APAF1: variants seen among roughly 807,000 people sequenced by gnomAD.
APAF1 encodes apoptotic peptidase activating factor 1, also known as apoptotic protease-activating factor 1.
In APAF1, 91 loss-of-function variants were observed where a neutral mutation model predicts 152.4. The ratio of observed to expected loss-of-function variants is 0.60; its 90% confidence interval spans 0.50 to 0.71. The LOEUF (loss-of-function observed/expected upper bound fraction) is 0.71, where lower values mean the gene tolerates loss of function less well. Among genes scored for constraint, APAF1 ranks in the 30% least tolerant of loss-of-function variants. APAF1 has a pLI of 0.00. For missense variants in APAF1, 1,283 were observed against 1,472.0 expected, an observed-to-expected ratio of 0.87 and a Z score of 2.10; for synonymous variants, 484 against 494.1, an observed-to-expected ratio of 0.98 and a Z score of 0.27.
Position 98,727,186 on chromosome 12 carries a change from C to T in APAF1, c.3470C>T (p.Ser1157Leu). The T allele has an allele frequency of 1.2e-6, 2 of 1,614,078 alleles. No homozygotes were observed. The highest frequency in any genetic ancestry group is 1.7e-6 in the Non-Finnish European group (2 of 1,180,030). The change falls in exon 26 of 27, where the codon TCA (serine) becomes TTA (leucine). Residue 1157 changes from serine to leucine, a missense_variant. Transcript: ENST00000551964. The part of the protein sequence containing the change: ...DNGEIRIWNV[S>L]NGELLHLCAP... ...ATGTTTATGTAGATATGGAATGTCT[C>T]AAACGGTGAGCTTCTTCATTTGTGT...
intron 23 of APAF1, 151 bp from the exon 24 acceptor site, chr12:98,723,488 A>G (rs1231917001): frequency 5.2e-6 from 5 of 953,380 alleles, no homozygotes; most frequent in African/African-American, 3.3e-5. Flanking sequence ...ATGAGCATTT[A>G]TACTGTTAGT....
chr12:98,653,299 A>C (rs1452763102), intron 4 of APAF1, among the ~76,000 whole-genome samples: 1 of 152,056 alleles, frequency 6.6e-6, no homozygotes, highest in Non-Finnish European at 1.5e-5. Context: ...ATTTGATTAA[A>C]ATTGTGGTTC....
At chr12:98,681,792 A>T (rs1446782157) in intron 14 of APAF1, among the ~76,000 whole-genome samples, 1 of 152,218 alleles carries the variant, frequency 6.6e-6, no homozygotes, top group Non-Finnish European at 1.5e-5. Flanking sequence ...AAAGGAAATA[A>T]TAATGAGTTT....
chr12:98,649,352 G>T, intron 3 of APAF1, 135 bp from the exon 4 acceptor site: 1 of 1,312,066 alleles, frequency 7.6e-7, no homozygotes. Context: ...AAGTTAATAT[G>T]CTAGCCACAT....
At chr12:98,680,737 C>T (rs1018616620) in intron 14 of APAF1, among the ~76,000 whole-genome samples, 1 of 151,922 alleles carries the variant, frequency 6.6e-6, no homozygotes, top group Non-Finnish European at 1.5e-5. Flanking sequence ...TATTTTTAAA[C>T]ACCAGCAAAA....
intron 14 of APAF1, among the ~76,000 whole-genome samples, chr12:98,682,295 T>C (rs1275612750): frequency 6.6e-6 from 1 of 151,026 alleles, no homozygotes; most frequent in Non-Finnish European, 1.5e-5. Flanking sequence ...CCTCGTGATC[T>C]GCCCGCCTCG....
rs185831216 is a variant in APAF1, at chr12:98,724,639, A to G, written c.3331-776A>G. Among the ~76,000 whole-genome samples, 15 of 152,334 alleles carry G rather than the reference A, an allele frequency of 9.8e-5. No homozygotes were observed. In the East Asian group the frequency reaches 2.7e-3, roughly 27 times the overall value. On this transcript the variant is annotated intron_variant, in intron 24 of 26. Coordinates refer to ENST00000551964, the MANE Select transcript of APAF1 (RefSeq NM_181861.2). Reference sequence around the variant, plus strand: ...CTTCTGAAGCGTTTCCTGACCCTCAAGCAAGGTTAGCTGCTCTACCTCCAG... The same window carrying G: ...CTTCTGAAGCGTTTCCTGACCCTCAGGCAAGGTTAGCTGCTCTACCTCCAG...
intron 4 of APAF1, among the ~76,000 whole-genome samples, chr12:98,655,115 A>G (rs1473103837): frequency 1.8e-5 from 2 of 109,456 alleles, no homozygotes; most frequent in African/African-American, 3.5e-5. Flanking sequence ...GAGTGGACAC[A>G]GCACATGTTT....
intron 4 of APAF1, among the ~76,000 whole-genome samples, chr12:98,653,077 C>T (rs896342436): frequency 6.6e-6 from 1 of 150,750 alleles, no homozygotes; most frequent in African/African-American, 2.4e-5. Context: ...TTCAAGTAGT[C>T]CTATTACAGT....
chr12:98,723,786 A>G (rs769745898), intron 24 of APAF1, 22 bp downstream of exon 24: 65 of 1,613,364 alleles, frequency 4.0e-5, no homozygotes, highest in Admixed American at 3.3e-5. Flanking sequence ...AATTGAAACC[A>G]TGCATAAAAC....
chr12:98,655,435 C>A (rs530294159), intron 4 of APAF1, among the ~76,000 whole-genome samples: 2,846 of 150,672 alleles, frequency 0.019, 10 homozygotes, highest in Non-Finnish European at 0.03. Flanking sequence ...ACCTCCCGGA[C>A]GGGGCGGCCG....
At chr12:98,665,053 A>G (rs1565862848) in intron 7 of APAF1, among the ~76,000 whole-genome samples, 2 of 151,188 alleles carry the variant, frequency 1.3e-5, no homozygotes, top group Admixed American at 1.3e-4. Flanking sequence ...TCTTTAAGAC[A>G]GAGTCTCACA....
At chr12:98,715,246 A>ATATATATATATATATATG (rs2097733028) in intron 21 of APAF1, among the ~76,000 whole-genome samples, 181 bp from the exon 22 acceptor site, 3 of 60,250 alleles carry the variant, frequency 5.0e-5, no homozygotes, top group African/African-American at 1.8e-4. Context: ...ATATATATAT[A>ATATATATATATATATATG]TATATATATA....
chr12:98,682,154 T>C (rs1340460855), intron 14 of APAF1, among the ~76,000 whole-genome samples: 2 of 150,928 alleles, frequency 1.3e-5, no homozygotes, highest in East Asian at 2.0e-4. Context: ...CCCGGGTTCA[T>C]GCCATTCTCC....
In APAF1 at chr12:98,648,775, T is replaced by C; in HGVS notation, c.288T>C (p.Ser96=). 1 of 1,614,050 alleles carries C rather than the reference T, an allele frequency of 6.2e-7. No individual in the cohort carries two copies. The highest frequency in any genetic ancestry group is 1.3e-5 in the African/African-American group (1 of 75,052). ...LLHDGIPVVS[S]SSGKDSVSGI... is the part of the protein sequence containing the mutation. The stretch of plus-strand genomic sequence containing the variant: ...ATGATGGCATTCCTGTTGTCTCTTC[T>C]TCCAGTGGTAAAGATTCAGTTAGTG... The change falls in exon 3 of 27, where the codon TCT becomes TCC. Residue 96 remains serine, a synonymous_variant. Transcript: ENST00000551964.
intron 16 of APAF1, among the ~76,000 whole-genome samples, chr12:98,697,466 A>C (rs556548243): frequency 3.5e-4 from 54 of 152,304 alleles, no homozygotes; most frequent in African/African-American, 1.2e-3. Context: ...AAGATGATAA[A>C]CCCTTGCTGT....
At chr12:98,712,207 T>G in intron 20 of APAF1, 112 bp from the exon 21 acceptor site, 1 of 726,850 alleles carries the variant, frequency 1.4e-6, no homozygotes, top group Non-Finnish European at 2.5e-6. Context: ...CTGAGAGCTC[T>G]TGTTGGTTAT....
chr12:98,647,192 G>T (rs897923300), intron 1 of APAF1, among the ~76,000 whole-genome samples: 1 of 150,974 alleles, frequency 6.6e-6, no homozygotes, highest in Non-Finnish European at 1.5e-5. Flanking sequence ...GTGGCGGGTG[G>T]ATCACCTGAG....
chr12:98,692,378 C>A (rs953492633), intron 16 of APAF1, among the ~76,000 whole-genome samples: 1 of 152,050 alleles, frequency 6.6e-6, no homozygotes, highest in Non-Finnish European at 1.5e-5. Context: ...CCACTGCACC[C>A]AGCCTATGTT....
Sources: gnomAD v4.1 joint callset for allele counts (sites outside exome capture counted in the v4.1 genomes callset) on GRCh38, gnomAD v4.1.1 for gene constraint, MANE v1.5 for transcripts, NCBI Gene and HGNC (gene_info 2026-07-23, HGNC 2026-07-21) for gene names.